The following EDC3 variants were observed in gnomAD, a reference collection of about 807,000 sequenced individuals.
EDC3 encodes the protein enhancer of mRNA-decapping protein 3.
Under a neutral mutation model 41.8 loss-of-function variants are expected in EDC3, and 20 were observed. The observed-to-expected ratio is 0.48, with a 90% CI of 0.34 to 0.70. The LOEUF (loss-of-function observed/expected upper bound fraction) is 0.70, where lower values mean the gene tolerates loss of function less well. Ranked by LOEUF, EDC3 falls within the 30% of genes least tolerant of loss-of-function variation. The pLI is 0.01. For synonymous variants in EDC3, 206 were observed against 243.2 expected (o/e 0.85, Z 1.42); for missense variants, 444 against 636.8 (o/e 0.70, Z 3.26).
In EDC3 at chr15:74,656,169, T is replaced by C. The variant is rs1567164945; in HGVS notation, c.485-101A>G. 5 of 1,135,190 alleles carry C rather than the reference T, an allele frequency of 4.4e-6. No homozygotes were observed. The South Asian group carries it at 6.2e-5, about 14-fold the overall frequency. The allele number at this position is 1,135,190 out of a possible 1,614,324, so 70.3% of individuals were successfully genotyped here. Reference sequence around the variant, plus strand: ...TTGTGGAGAGTGTTACAGGAACCAATGTGAAAATGGTAAAGGTAACTATTG... The same window carrying C: ...TTGTGGAGAGTGTTACAGGAACCAACGTGAAAATGGTAAAGGTAACTATTG... On this transcript the variant is annotated intron_variant, in intron 3 of 6. Coordinates refer to ENST00000315127, the MANE Select transcript of EDC3 (RefSeq NM_025083.5).
At chr15:74,644,673 T>TAC (rs1555452804) in intron 4 of EDC3, 1 of 149,662 alleles carries the variant, frequency 6.7e-6, no homozygotes. Context: ...TATATATATA[T>TAC]AAATAAATCT....
Position 74,671,452 on chromosome 15 carries a change from T to C in EDC3, c.484+3A>G. The C allele has an allele frequency of 1.9e-6, 3 of 1,607,270 alleles. No individual in the cohort carries two copies. Among genetic ancestry groups the C allele is most frequent in the Non-Finnish European group, 2.6e-6 (3 of 1,174,366 alleles). ...GAAGAAATATCAACTTGACCCTACT[T>C]ACAGGAGTTGTGCCGACGACGGAAA... On this transcript the variant is annotated splice_donor_region_variant and intron_variant, in intron 3 of 6. Coordinates refer to ENST00000315127, the MANE Select transcript of EDC3 (RefSeq NM_025083.5). This position sits in a 1 kb window ranked among gnomAD's most constrained non-coding sequence, Gnocchi z 4.6.
chr15:74,693,891 G>C (rs2063036195), intron 1 of EDC3, among the ~76,000 whole-genome samples: 1 of 152,070 alleles, frequency 6.6e-6, no homozygotes. Context: ...GGCTGAGGCA[G>C]GAGAATCGCT....
At chr15:74,639,040 C>T (rs1308206127) in intron 5 of EDC3, 1 of 152,166 alleles carries the variant, frequency 6.6e-6, no homozygotes, top group East Asian at 1.9e-4. Context: ...ACTGCAGCCT[C>T]TGGAGTAACT....
At chr15:74,649,679 A>AT (rs2062457931) in intron 4 of EDC3, among the ~76,000 whole-genome samples, 1 of 152,178 alleles carries the variant, frequency 6.6e-6, no homozygotes, top group Non-Finnish European at 1.5e-5. Flanking sequence ...AATCCACAGT[A>AT]TTAGCCCACT....
chr15:74,670,326 T>C (rs1333619548), intron 3 of EDC3, among the ~76,000 whole-genome samples: 2 of 152,328 alleles, frequency 1.3e-5, no homozygotes, highest in South Asian at 4.1e-4. Flanking sequence ...ATTGTAACAT[T>C]ATTCTAGTAA....
rs1351506795 is a variant in EDC3, at chr15:74,675,074, G to A, written c.51C>T (p.Ser17=). 2 of 1,613,736 alleles carry A rather than the reference G, an allele frequency of 1.2e-6. No individual in the cohort carries two copies. The highest frequency in any genetic ancestry group is 1.3e-5 in the African/African-American group (1 of 74,904). Reference sequence around the variant, plus strand: ...ACACTCTTCCCTGATAGACACCCAAGCTATCTCCACAATTGATGGACACAA... The same window carrying A: ...ACACTCTTCCCTGATAGACACCCAAACTATCTCCACAATTGATGGACACAA... ...GSIVSINCGD[S]LGVYQGRVSA... is the part of the protein sequence containing the mutation. The change falls in exon 2 of 7, where the codon AGC becomes AGT. Residue 17 remains serine (S), a synonymous_variant. Coordinates refer to ENST00000315127, the MANE Select transcript of EDC3 (RefSeq NM_025083.5).
chr15:74,669,827 G>A (rs920252454), intron 3 of EDC3, among the ~76,000 whole-genome samples: 2 of 151,898 alleles, frequency 1.3e-5, no homozygotes, highest in Non-Finnish European at 2.9e-5. Flanking sequence ...ATGAGTTAAT[G>A]AATACTCATT....
intron 1 of EDC3, among the ~76,000 whole-genome samples, chr15:74,692,176 A>G (rs1326451880): frequency 6.6e-6 from 1 of 152,200 alleles, no homozygotes; most frequent in African/African-American, 2.4e-5. Flanking sequence ...AATCACAGAA[A>G]CCATGTGGCC....
At chr15:74,679,408 T>C (rs1327136647) in intron 1 of EDC3, among the ~76,000 whole-genome samples, 1 of 152,150 alleles carries the variant, frequency 6.6e-6, no homozygotes, top group Non-Finnish European at 1.5e-5. Context: ...TTTAGGTCCC[T>C]ACTCCTAGAA....
rs182198566 is a variant in EDC3, at chr15:74,674,426, A to C, written c.164+535T>G. On this transcript the variant is annotated intron_variant, in intron 2 of 6. Transcript: ENST00000315127. ...ACCCATCAGGGAGCATTCAAATGAGATTGGGATTGAGATACTGTCAGTGAA... is the reference window on the plus strand; with the variant it reads ...ACCCATCAGGGAGCATTCAAATGAGCTTGGGATTGAGATACTGTCAGTGAA... Among the ~76,000 whole-genome samples the C allele has an allele frequency of 2.1e-3, 326 of 152,278 alleles. 1 individual carries two copies. The highest frequency in any genetic ancestry group is 7.5e-3 in the African/African-American group (313 of 41,546).
At chr15:74,645,990 C>T (rs1352598948) in intron 4 of EDC3, among the ~76,000 whole-genome samples, 1 of 151,310 alleles carries the variant, frequency 6.6e-6, no homozygotes, top group Non-Finnish European at 1.5e-5. Context: ...GGGGAACAGC[C>T]GGGGAAACAG....
At chr15:74,656,966 C>T (rs1301347033) in intron 3 of EDC3, among the ~76,000 whole-genome samples, 1 of 152,216 alleles carries the variant, frequency 6.6e-6, no homozygotes, top group Non-Finnish European at 1.5e-5. Flanking sequence ...TACCTACCCA[C>T]CACTGACTGT....
Position 74,632,757 on chromosome 15 carries a change from A to G in EDC3, c.1382T>C (p.Leu461Pro), listed in dbSNP as rs1329791720. The G allele has an allele frequency of 6.2e-7, 1 of 1,614,260 alleles. No individual in the cohort carries two copies. Among genetic ancestry groups the G allele is most frequent in the South Asian group, 1.1e-5 (1 of 91,084 alleles). ...QGIDAKWSLA[L>P]GLPLPLGEHA... ...CTCCCCCAGTGGCAGAGGCAGGCCCAGTGCCAGTGACCATTTGGCATCAAT... is the reference window on the plus strand; with the variant it reads ...CTCCCCCAGTGGCAGAGGCAGGCCCGGTGCCAGTGACCATTTGGCATCAAT... The change falls in exon 7 of 7, where the codon CTG (leucine) becomes CCG (proline). Residue 461 changes from leucine (L) to proline (P), a missense_variant. Physicochemically the swap from Leu to Pro is moderately conservative, Grantham distance 98. This residue lies in a region of EDC3 where 242 missense variants were observed against 363.8 expected (regional missense o/e 0.67). Coordinates refer to ENST00000315127, the MANE Select transcript of EDC3 (RefSeq NM_025083.5). The surrounding 1 kb of genome is among the most constrained non-coding windows in gnomAD (Gnocchi z 4.0).
intron 4 of EDC3, among the ~76,000 whole-genome samples, chr15:74,647,615 GC>G (rs2062432341): frequency 6.6e-6 from 1 of 152,114 alleles, no homozygotes; most frequent in Admixed American, 6.6e-5. Context: ...TCATAACCAA[GC>G]CCTTCAGGCC....
chr15:74,640,231 G>A (rs1351943897), intron 5 of EDC3: 1 of 506,958 alleles, frequency 2.0e-6, no homozygotes, highest in African/African-American at 1.9e-5. Flanking sequence ...GCTGCTATCA[G>A]GAGAGAGTCA....
Position 74,680,657 on chromosome 15 carries a change from T to TA in EDC3, c.-18-5516dup, listed in dbSNP as rs1023316521. 3.9e-4 allele frequency among the ~76,000 whole-genome samples: 60 copies of TA among 152,090 alleles called. 1 individual carries two copies. Among genetic ancestry groups the TA allele is most frequent in the African/African-American group, 1.2e-3 (50 of 41,492 alleles). ...TTCTCGCAATAAAGCAAGAAACAGA[T>TA]AAAAAAAGTATACAGTTTGTAAAGG... On this transcript the variant is annotated intron_variant, in intron 1 of 6. Coordinates refer to ENST00000315127, the MANE Select transcript of EDC3 (RefSeq NM_025083.5).
intron 1 of EDC3, among the ~76,000 whole-genome samples, chr15:74,689,522 C>CA (rs1555458111): frequency 2.0e-5 from 3 of 146,596 alleles, no homozygotes; most frequent in Non-Finnish European, 4.5e-5. Context: ...CCCTCCATTT[C>CA]TTTTTTTTTT....
chr15:74,691,011 A>G (rs1471126378), intron 1 of EDC3, among the ~76,000 whole-genome samples: 2 of 152,124 alleles, frequency 1.3e-5, no homozygotes, highest in African/African-American at 4.8e-5. Context: ...CCTGGGCAAC[A>G]TGGCAAAACT....
Sources: gnomAD v4.1 joint callset for allele counts (sites outside exome capture counted in the v4.1 genomes callset) on GRCh38, gnomAD v4.1.1 for gene constraint, gnomAD v4.1.1 regional missense constraint, Gnocchi (gnomAD v3.1) non-coding constraint, MANE v1.5 for transcripts, NCBI Gene and HGNC (gene_info 2026-07-23, HGNC 2026-07-21) for gene names.